Variants in ERP44 observed in about 807,000 individuals in gnomAD.
ERP44 encodes endoplasmic reticulum resident protein 44.
Under a neutral mutation model 53.4 loss-of-function variants are expected in ERP44, and 25 were observed. The ratio of observed to expected loss-of-function variants is 0.47; its 90% CI spans 0.34 to 0.65. The LOEUF (loss-of-function observed/expected upper bound fraction) is 0.65. ERP44 is among the 30% of genes least tolerant of loss of function. The pLI, the probability that ERP44 is intolerant of heterozygous loss-of-function variation, is 0.01. For missense variants in ERP44, 338 were observed against 493.2 expected, an observed-to-expected ratio of 0.69 and a Z score of 2.98; for synonymous variants, 145 against 161.2, an observed-to-expected ratio of 0.90 and a Z score of 0.76.
chr9:100,067,342 C>G (rs916876620), intron 1 of ERP44, among the ~76,000 whole-genome samples: 4 of 151,366 alleles, frequency 2.6e-5, no homozygotes, highest in Admixed American at 6.6e-5. Flanking sequence ...AGGCGCGCGC[C>G]GCCGCGCCTG....
intron 10 of ERP44, among the ~76,000 whole-genome samples, chr9:100,004,861 CCATTG>C (rs1830412251): frequency 6.6e-6 from 1 of 152,096 alleles, no homozygotes; most frequent in African/African-American, 2.4e-5. Context: ...TTGCTGATGT[CCATTG>C]AGATTAACTT....
At chr9:100,094,563 C>T (rs1396568242) in intron 1 of ERP44, among the ~76,000 whole-genome samples, 1 of 151,858 alleles carries the variant, frequency 6.6e-6, no homozygotes, top group Non-Finnish European at 1.5e-5. Flanking sequence ...GAGGCTGAGG[C>T]AGGAGAATCA....
At chr9:100,031,779 G>C (rs1825793288) in intron 4 of ERP44, among the ~76,000 whole-genome samples, 1 of 152,118 alleles carries the variant, frequency 6.6e-6, no homozygotes, top group African/African-American at 2.4e-5. Flanking sequence ...AAACAGAGGA[G>C]GCACGACAGA....
intron 1 of ERP44, among the ~76,000 whole-genome samples, chr9:100,069,398 T>A (rs988911077): frequency 2.6e-5 from 4 of 152,128 alleles, no homozygotes; most frequent in African/African-American, 9.6e-5. Context: ...ACTGTGCAAA[T>A]CCATTTCTTA....
intron 9 of ERP44, 81 bp from the exon 10 acceptor site, chr9:100,006,728 G>T: frequency 1.0e-6 from 1 of 970,526 alleles, no homozygotes. Context: ...CACAAAAAGT[G>T]ACATACTAAA....
At position 100,068,331 on chromosome 9, in the gene ERP44, T is replaced by TG. The variant is rs1327634196; in HGVS notation, c.58-8160dup. On this transcript the variant is annotated intron_variant, in intron 1 of 11. Coordinates refer to ENST00000262455, the MANE Select transcript of ERP44 (RefSeq NM_015051.3). ...CCAGCTGCCCCGTCCGGGAGGGAGGTGGGGGGGTCAGCCCCCCGCCCGGCC... is the reference window on the plus strand; with the variant it reads ...CCAGCTGCCCCGTCCGGGAGGGAGGTGGGGGGGGTCAGCCCCCCGCCCGGCC... Among the ~76,000 whole-genome samples the TG allele has an allele frequency of 1.3e-3, 126 of 94,654 alleles. 1 individual carries two copies. The highest frequency in any genetic ancestry group is 5.2e-3 in the African/African-American group (116 of 22,168). The allele number at this position is 94,654 out of a possible 152,430, so 62.1% of individuals were successfully genotyped here. A position where few individuals can be genotyped will look rare whatever the true frequency, so the allele number is the denominator to read the frequency against.
rs1420216963 is a variant in ERP44 at position 100,060,260 on chromosome 9, C to T, written c.58-88G>A. Reference sequence around the variant, plus strand: ...AAGTCTAAAAATAAATGTGTGATTCCACTTGTTCCTTAGAAAATTATACAT... The same window carrying T: ...AAGTCTAAAAATAAATGTGTGATTCTACTTGTTCCTTAGAAAATTATACAT... On this transcript the variant is annotated intron_variant, in intron 1 of 11. Transcript: ENST00000262455. 3 of 1,255,140 alleles carry T rather than the reference C, an allele frequency of 2.4e-6. No individual in the cohort carries two copies. The African/African-American group carries it at 4.7e-5, about 20-fold the overall frequency. The allele number at this position is 1,255,140 out of a possible 1,614,324, so 77.8% of individuals were successfully genotyped here.
intron 10 of ERP44, among the ~76,000 whole-genome samples, chr9:99,993,220 A>G (rs1213499655): frequency 6.6e-6 from 1 of 152,232 alleles, no homozygotes; most frequent in East Asian, 1.9e-4. Context: ...CCTAAGCAAA[A>G]GGAAGAAAGC....
At chr9:100,020,079 G>A (rs1189521665) in intron 6 of ERP44, among the ~76,000 whole-genome samples, 1 of 152,200 alleles carries the variant, frequency 6.6e-6, no homozygotes, top group African/African-American at 2.4e-5. Context: ...AAAGGGTCAG[G>A]TTGAAAACAC....
intron 1 of ERP44, among the ~76,000 whole-genome samples, chr9:100,063,075 CAAAAAA>C (rs58004954): frequency 2.5e-5 from 1 of 40,084 alleles, no homozygotes; most frequent in Non-Finnish European, 4.2e-5. Context: ...CCCTGTCTCA[CAAAAAA>C]AAAAAAAAAA....
intron 10 of ERP44, among the ~76,000 whole-genome samples, chr9:100,000,911 T>C (rs887011270): frequency 1.3e-5 from 2 of 152,162 alleles, no homozygotes; most frequent in African/African-American, 4.8e-5. Flanking sequence ...TGGTTTGTTC[T>C]TTTTCTAGTT....
Position 99,982,703 on chromosome 9 carries a change from T to G in ERP44, c.1130A>C (p.Asp377Ala). The G allele has an allele frequency of 6.2e-7, 1 of 1,602,768 alleles. No homozygotes were observed. The highest frequency in any genetic ancestry group is 8.5e-7 in the Non-Finnish European group (1 of 1,175,918). Residue 377 changes from aspartate to alanine, a missense_variant, in exon 12 of 12, where the codon GAT becomes GCT. Asp to Ala is a moderately radical substitution (Grantham distance 126). Coordinates refer to ENST00000262455, the MANE Select transcript of ERP44 (RefSeq NM_015051.3). ...GCTCTCAGGTGGACTGCTTGCTACATCTTGGGCTTGCTACAAAAGAAAGAA... is the reference window on the plus strand; with the variant it reads ...GCTCTCAGGTGGACTGCTTGCTACAGCTTGGGCTTGCTACAAAAGAAAGAA... ...TDTAPGEQAQ[D>A]VASSPPESSF...
chr9:99,986,819 T>C (rs769998332), intron 10 of ERP44, among the ~76,000 whole-genome samples: 46 of 152,218 alleles, frequency 3.0e-4, no homozygotes, highest in Admixed American at 1.3e-3. Flanking sequence ...GCTGAAGTAA[T>C]TGCACATGCA....
intron 4 of ERP44, among the ~76,000 whole-genome samples, chr9:100,024,773 G>A (rs1830635367): frequency 6.6e-6 from 1 of 152,134 alleles, no homozygotes; most frequent in African/African-American, 2.4e-5. Context: ...GAGTAATTAA[G>A]TAAAAACCCT....
At chr9:99,984,004 T>C (rs763210145) in intron 11 of ERP44, among the ~76,000 whole-genome samples, 4 of 152,200 alleles carry the variant, frequency 2.6e-5, no homozygotes, top group Non-Finnish European at 5.9e-5. Context: ...TATGCAGGCC[T>C]TCTTTTCTGA....
At chr9:100,071,093 GTTT>G (rs34853838) in intron 1 of ERP44, among the ~76,000 whole-genome samples, 2 of 119,580 alleles carry the variant, frequency 1.7e-5, no homozygotes. Context: ...ATTATATAAG[GTTT>G]TTTTTTTTTT....
At chr9:100,052,342 A>G in intron 4 of ERP44, 75 bp downstream of exon 4, 1 of 687,718 alleles carries the variant, frequency 1.5e-6, no homozygotes, top group Non-Finnish European at 2.3e-6. Flanking sequence ...AAAAGAAAAG[A>G]AAAGAAAAAA....
chr9:100,088,840 A>G (rs1389774670), intron 1 of ERP44, among the ~76,000 whole-genome samples: 1 of 152,184 alleles, frequency 6.6e-6, no homozygotes, highest in African/African-American at 2.4e-5. Context: ...TCTTTAGTCT[A>G]TATATATTCA....
At chr9:100,090,342 C>T (rs1020324517) in intron 1 of ERP44, among the ~76,000 whole-genome samples, 2 of 152,182 alleles carry the variant, frequency 1.3e-5, no homozygotes, top group Non-Finnish European at 2.9e-5. Context: ...CGCCAAATGA[C>T]AATACATTAT....
Sources: gnomAD v4.1 joint callset for allele counts (sites outside exome capture counted in the v4.1 genomes callset) on GRCh38, gnomAD v4.1.1 for gene constraint, MANE v1.5 for transcripts, NCBI Gene and HGNC (gene_info 2026-07-23, HGNC 2026-07-21) for gene names.